Variants in IGF1R observed in about 807,000 individuals in gnomAD.
IGF1R encodes insulin like growth factor 1 receptor.
Under a neutral mutation model 144.6 loss-of-function variants are expected in IGF1R, and 44 were observed. The observed-to-expected ratio is 0.30, with a 90% CI of 0.24 to 0.39. IGF1R has a LOEUF of 0.39. IGF1R is among the 10% of genes least tolerant of loss of function. The pLI, the probability that IGF1R is intolerant of heterozygous loss-of-function variation, is 1.00. For missense variants in IGF1R, 1,355 were observed against 1,833.7 expected, an observed-to-expected ratio of 0.74 and a Z score of 4.77; for synonymous variants, 795 against 722.8, an observed-to-expected ratio of 1.10 and a Z score of -1.60.
At position 98,957,252 on chromosome 15, in the gene IGF1R, T is replaced by A; in HGVS notation, c.3914T>A (p.Leu1305Gln). The A allele has an allele frequency of 6.2e-7, 1 of 1,614,134 alleles. No individual in the cohort carries two copies. The highest frequency in any genetic ancestry group is 8.5e-7 in the Non-Finnish European group (1 of 1,180,006). ...LEPENMESVP[L>Q]DPSASSSSLP... ...CCAGAGAACATGGAGAGCGTCCCCC[T>A]GGACCCCTCGGCCTCCTCGTCCTCC... is the stretch of plus-strand genomic sequence containing the variant. Residue 1305 changes from leucine to glutamine, a missense_variant, in exon 21 of 21, where the codon CTG becomes CAG. Coordinates refer to ENST00000650285, the MANE Select transcript of IGF1R (RefSeq NM_000875.5).
intron 2 of IGF1R, among the ~76,000 whole-genome samples, chr15:98,746,228 C>T (rs1242417352): frequency 6.6e-6 from 1 of 152,090 alleles, no homozygotes; most frequent in Admixed American, 6.6e-5. Context: ...CGATGATTCA[C>T]CGGGGTAGGT....
chr15:98,921,225 T>C (rs2684807), intron 10 of IGF1R, among the ~76,000 whole-genome samples: 51,856 of 152,082 alleles, frequency 0.34, 9,942 homozygotes, highest in Middle Eastern at 0.62. Context: ...GTATTCTGTT[T>C]GTTTTTGTTG....
At chr15:98,835,974 A>G (rs2057092680) in intron 2 of IGF1R, among the ~76,000 whole-genome samples, 1 of 152,232 alleles carries the variant, frequency 6.6e-6, no homozygotes, top group South Asian at 2.1e-4. Context: ...AAAAATTTTC[A>G]GTAAGTTCTC....
chr15:98,962,598 GAAGT>G lies in IGF1R; in HGVS notation c.*5157_*5160del. ...TAGATGACTGGTTGCGTCATTTGGA[GAAGT>G]GAGTGCTCCTTGATGGTGGAATGAC... On this transcript the variant is annotated 3_prime_UTR_variant, in exon 21 of 21. Coordinates refer to ENST00000650285, the MANE Select transcript of IGF1R (RefSeq NM_000875.5). 4.3e-6 allele frequency: 1 copy of G among 233,836 alleles called. No homozygotes were observed. Among genetic ancestry groups the G allele is most frequent in the Admixed American group, 5.6e-5 (1 of 17,800 alleles). 14.5% of individuals were successfully genotyped at this position (233,836 alleles called of 1,614,324 possible).
At chr15:98,863,796 T>A (rs1034867290) in intron 2 of IGF1R, among the ~76,000 whole-genome samples, 2 of 152,234 alleles carry the variant, frequency 1.3e-5, no homozygotes, top group Admixed American at 6.5e-5. Context: ...TTTTTGATAC[T>A]CAAGAGAATG....
intron 2 of IGF1R, among the ~76,000 whole-genome samples, chr15:98,741,395 G>A (rs754373110): frequency 6.6e-5 from 10 of 151,942 alleles, no homozygotes; most frequent in Non-Finnish European, 1.3e-4. Flanking sequence ...TTTGGAAATA[G>A]TTTTGCCATT....
At chr15:98,682,698 C>T (rs2053223227) in intron 1 of IGF1R, among the ~76,000 whole-genome samples, 1 of 152,022 alleles carries the variant, frequency 6.6e-6, no homozygotes, top group Admixed American at 6.6e-5. Flanking sequence ...CAGGCACGTG[C>T]CACCATGCCT....
At position 98,961,466 on chromosome 15, in the gene IGF1R, T is replaced by C. The variant is rs1199115618; in HGVS notation, c.*4024T>C. The C allele has an allele frequency of 8.6e-6, 2 of 233,452 alleles. No homozygotes were observed. The highest frequency in any genetic ancestry group is 1.2e-4 in the East Asian group (2 of 16,580). The allele number at this position is 233,452 out of a possible 1,614,324, so 14.5% of individuals were successfully genotyped here. ...ACTTTACTGGACCAACCCACCCACC[T>C]TGACTATACCAAGGCATCATCTATC... On this transcript the variant is annotated 3_prime_UTR_variant, in exon 21 of 21. Coordinates refer to ENST00000650285, the MANE Select transcript of IGF1R (RefSeq NM_000875.5).
chr15:98,750,744 C>T (rs570015630), intron 2 of IGF1R, among the ~76,000 whole-genome samples: 81 of 152,304 alleles, frequency 5.3e-4, no homozygotes, highest in Admixed American at 1.2e-3. Flanking sequence ...AAAGTAGCCA[C>T]CTATAACTCC....
Position 98,959,865 on chromosome 15 carries a change from AAAAG to A in IGF1R, c.*2424_*2427del, listed in dbSNP as rs2017154376. On this transcript the variant is annotated 3_prime_UTR_variant, in exon 21 of 21. Coordinates refer to ENST00000650285, the MANE Select transcript of IGF1R (RefSeq NM_000875.5). ...TAGCGTGTTCCCTTTAAAAAAAAAA[AAAAG>A]GTATTATATGTAGGAGTTTTCTTTT... is the stretch of plus-strand genomic sequence containing the variant. 8.6e-6 allele frequency: 2 copies of A among 232,992 alleles called. No individual in the cohort carries two copies. The highest frequency in any genetic ancestry group is 2.2e-5 in the African/African-American group (1 of 45,284). 14.4% of individuals were successfully genotyped at this position (232,992 alleles called of 1,614,324 possible).
intron 6 of IGF1R, 111 bp downstream of exon 6, chr15:98,909,010 G>T (rs2151670604): frequency 2.3e-5 from 21 of 919,078 alleles, no homozygotes; most frequent in Non-Finnish European, 3.5e-5. Flanking sequence ...TTTCACATGG[G>T]GGACCACTAG....
At chr15:98,793,258 T>C (rs1319412049) in intron 2 of IGF1R, among the ~76,000 whole-genome samples, 1 of 152,178 alleles carries the variant, frequency 6.6e-6, no homozygotes, top group African/African-American at 2.4e-5. Context: ...TAGCAAGAAG[T>C]CTCCCCTTTA....
chr15:98,830,626 T>C (rs8023498), intron 2 of IGF1R, among the ~76,000 whole-genome samples: 93,712 of 146,834 alleles, frequency 0.64, 30,217 homozygotes, highest in East Asian at 0.75. Flanking sequence ...TTTTTTTAGA[T>C]GGAGTCTCAT....
rs1465450168 is a variant in IGF1R, at chr15:98,743,056, T to A, written c.640+34949T>A. ...AGGAAACAGTGTGTTGTGGTAATCATGATATCATAGTAAATAGGTTTTGTT... is the reference window on the plus strand; with the variant it reads ...AGGAAACAGTGTGTTGTGGTAATCAAGATATCATAGTAAATAGGTTTTGTT... On this transcript the variant is annotated intron_variant, in intron 2 of 20. Coordinates refer to ENST00000650285, the MANE Select transcript of IGF1R (RefSeq NM_000875.5). Among the ~76,000 whole-genome samples, 5 of 152,332 alleles carry A rather than the reference T, an allele frequency of 3.3e-5. No individual in the cohort carries two copies. The South Asian group carries it at 1.0e-3, about 32-fold the overall frequency.
intron 2 of IGF1R, among the ~76,000 whole-genome samples, chr15:98,848,484 C>T (rs2011421306): frequency 6.6e-6 from 1 of 152,214 alleles, no homozygotes. Flanking sequence ...CAGCTTCCGT[C>T]ATTGTTAGAT....
In IGF1R at chr15:98,957,116, C is replaced by A. The variant is rs2017022495; in HGVS notation, c.3778C>A (p.Leu1260Met). The change falls in exon 21 of 21, where the codon CTG becomes ATG. Residue 1260 changes from leucine to methionine, a missense_variant. Coordinates refer to ENST00000650285, the MANE Select transcript of IGF1R (RefSeq NM_000875.5). ...QYNPKMRPSF[L>M]EIISSIKEEM... ...TAACCCCAAGATGAGGCCTTCCTTC[C>A]TGGAGATCATCAGCAGCATCAAAGA... 6.2e-7 allele frequency: 1 copy of A among 1,614,098 alleles called. No individual in the cohort carries two copies. The highest frequency in any genetic ancestry group is 1.7e-5 in the Admixed American group (1 of 60,012).
chr15:98,927,063 GT>G (rs796664951), intron 13 of IGF1R, among the ~76,000 whole-genome samples: 8 of 152,304 alleles, frequency 5.3e-5, no homozygotes, highest in African/African-American at 1.9e-4. Flanking sequence ...AACTCAGCTT[GT>G]TTTGGTGACA....
chr15:98,755,721 A>C lies in IGF1R; in HGVS notation c.640+47614A>C, dbSNP rs1008729501. ...ATGACAGAGCAAAACTCCATTGCAA[A>C]AAAAAAAAAAAAAAAAAAAAAAAAA... is the stretch of plus-strand genomic sequence containing the variant. On this transcript the variant is annotated intron_variant, in intron 2 of 20. Transcript: ENST00000650285. Among the ~76,000 whole-genome samples the C allele has an allele frequency of 0.011, 89 of 7,828 alleles. 1 individual carries two copies. The East Asian group carries it at 0.13, about 12-fold the overall frequency. The allele number at this position is 7,828 out of a possible 152,430, so 5.1% of individuals were successfully genotyped here.
chr15:98,873,205 G>A (rs1838968000), intron 2 of IGF1R, among the ~76,000 whole-genome samples: 1 of 152,126 alleles, frequency 6.6e-6, no homozygotes, highest in Non-Finnish European at 1.5e-5. Context: ...ATTGATGCAT[G>A]TTATACGTAA....
Sources: allele counts gnomAD v4.1 joint callset (sites outside exome capture counted in the v4.1 genomes callset), GRCh38; gene constraint gnomAD v4.1.1; transcripts MANE v1.5; gene names NCBI Gene and HGNC (gene_info 2026-07-23, HGNC 2026-07-21).